The following TASP1 variants were observed in gnomAD, a reference collection of about 807,000 sequenced individuals.
TASP1 encodes the protein taspase 1.
TASP1 carries 16 observed loss-of-function variants against 56.6 expected under a neutral mutation model. That is an observed-to-expected ratio of 0.28 (90% CI 0.19 to 0.43). The LOEUF (loss-of-function observed/expected upper bound fraction) is 0.43, where lower values mean the gene tolerates loss of function less well. Ranked by LOEUF, TASP1 falls within the 20% of genes least tolerant of loss-of-function variation. The pLI is 1.00. For synonymous variants in TASP1, 179 were observed against 184.2 expected (o/e 0.97, Z 0.23); for missense variants, 393 against 511.6 (o/e 0.77, Z 2.24).
At chr20:13,586,185 A>C (rs1322655254) in intron 5 of TASP1, among the ~76,000 whole-genome samples, 2 of 151,618 alleles carry the variant, frequency 1.3e-5, no homozygotes, top group Non-Finnish European at 2.9e-5. Flanking sequence ...AAAAAAAAAA[A>C]AAAAAAAAAA....
At chr20:13,251,936 A>G in the TASP1 span, among the ~76,000 whole-genome samples, 2 of 151,806 alleles carry the variant, frequency 1.3e-5, no homozygotes, top group African/African-American at 2.4e-5. Context: ...AGACTTGGGG[A>G]GTAAGTGAGA....
At chr20:13,496,875 C>T (rs2043749562) in intron 10 of TASP1, among the ~76,000 whole-genome samples, 2 of 152,210 alleles carry the variant, frequency 1.3e-5, no homozygotes, top group Admixed American at 6.5e-5. Flanking sequence ...CTCAATAAAC[C>T]TAATTCCAAA....
At chr20:13,527,424 T>C (rs1327198991) in intron 10 of TASP1, among the ~76,000 whole-genome samples, 1 of 152,160 alleles carries the variant, frequency 6.6e-6, no homozygotes, top group African/African-American at 2.4e-5. Context: ...GGGATGGGAC[T>C]GTAACTTGAA....
At chr20:13,587,573 A>G (rs1354698272) in intron 4 of TASP1, among the ~76,000 whole-genome samples, 1 of 149,124 alleles carries the variant, frequency 6.7e-6, no homozygotes, top group African/African-American at 2.4e-5. Context: ...ATATTGACCA[A>G]AAAAACATCA....
Position 13,580,982 on chromosome 20 carries a change from C to T in TASP1, c.404-1G>A. The T allele has an allele frequency of 6.6e-7, 1 of 1,513,084 alleles. No homozygotes were observed. Among genetic ancestry groups the T allele is most frequent in the African/African-American group, 1.5e-5 (1 of 66,006 alleles). The allele number at this position is 1,513,084 out of a possible 1,614,324, so 93.7% of individuals were successfully genotyped here. Reference sequence around the variant, plus strand: ...GCAACCGAGACTGGGTTCTTGATTCCTATAAAAAAAAAAAAAAAATTGGCA... The same window carrying T: ...GCAACCGAGACTGGGTTCTTGATTCTTATAAAAAAAAAAAAAAAATTGGCA... On this transcript the variant is annotated splice_acceptor_variant, in intron 5 of 13. Coordinates refer to ENST00000337743, the MANE Select transcript of TASP1 (RefSeq NM_017714.3). LOFTEE classifies it high-confidence loss of function.
At chr20:13,539,123 A>G (rs1051596550) in intron 8 of TASP1, among the ~76,000 whole-genome samples, 33 of 152,198 alleles carry the variant, frequency 2.2e-4, no homozygotes, top group Non-Finnish European at 4.4e-4. Flanking sequence ...AAATCTGAAC[A>G]TAGGAACACT....
At chr20:13,378,744 A>C in the TASP1 span, among the ~76,000 whole-genome samples, 19 of 152,244 alleles carry the variant, frequency 1.2e-4, no homozygotes, top group African/African-American at 4.1e-4. Flanking sequence ...TTACTTTATG[A>C]ATCTGGGTGC....
At chr20:13,248,253 C>T in the TASP1 span, among the ~76,000 whole-genome samples, 1 of 152,174 alleles carries the variant, frequency 6.6e-6, no homozygotes, top group African/African-American at 2.4e-5. Flanking sequence ...TGTTGCTCCA[C>T]TTGAAGCAAC....
At chr20:13,535,543 G>T (rs138286427) in intron 8 of TASP1, among the ~76,000 whole-genome samples, 1 of 152,180 alleles carries the variant, frequency 6.6e-6, no homozygotes, top group Non-Finnish European at 1.5e-5. Context: ...GCTAGGGAAA[G>T]TCTAGCCAAT....
chr20:13,511,722 C>A (rs1357380684), intron 10 of TASP1, among the ~76,000 whole-genome samples: 1 of 151,800 alleles, frequency 6.6e-6, no homozygotes, highest in East Asian at 1.9e-4. Context: ...TGTCATTTAA[C>A]ATTAGGTATA....
chr20:13,459,692 G>C (rs1036836530), intron 11 of TASP1, among the ~76,000 whole-genome samples: 1 of 151,992 alleles, frequency 6.6e-6, no homozygotes, highest in Non-Finnish European at 1.5e-5. Flanking sequence ...CTCTGCTGCT[G>C]TCTTTCCCTG....
the TASP1 span, among the ~76,000 whole-genome samples, chr20:13,250,438 C>G: frequency 6.6e-6 from 1 of 152,152 alleles, no homozygotes; most frequent in Non-Finnish European, 1.5e-5. Flanking sequence ...GCAAACAGAG[C>G]AGGAAAAGAG....
rs117440349 is a variant in TASP1 at position 13,532,240 on chromosome 20, A to G, written c.795+1782T>C. ...CATTCACCATCTGCACTGCTATCAC[A>G]TATCTACAGCAGGGTAATATGCTAA... On this transcript the variant is annotated intron_variant, in intron 9 of 13. Transcript: ENST00000337743. 3.2e-3 allele frequency among the ~76,000 whole-genome samples: 494 copies of G among 152,328 alleles called. 2 individuals carry two copies. The highest frequency in any genetic ancestry group is 0.012 in the East Asian group (60 of 5,184).
chr20:13,171,886 C>G, the TASP1 span, among the ~76,000 whole-genome samples: 1 of 152,098 alleles, frequency 6.6e-6, no homozygotes, highest in South Asian at 2.1e-4. Flanking sequence ...TGTAGGTCAA[C>G]CTGATTGTAT....
chr20:13,278,175 A>G, the TASP1 span, among the ~76,000 whole-genome samples: 1 of 152,170 alleles, frequency 6.6e-6, no homozygotes, highest in African/African-American at 2.4e-5. Context: ...TGCGTCTTTT[A>G]TTATGTTTTT....
intron 13 of TASP1, among the ~76,000 whole-genome samples, chr20:13,414,441 A>C (rs1163655500): frequency 6.6e-6 from 1 of 152,200 alleles, no homozygotes; most frequent in Non-Finnish European, 1.5e-5. Context: ...GCAACTAATA[A>C]GAAGTCTGTG....
chr20:13,578,038 C>G (rs1023700813), intron 6 of TASP1, among the ~76,000 whole-genome samples: 6 of 152,180 alleles, frequency 3.9e-5, no homozygotes, highest in African/African-American at 1.4e-4. Context: ...CTGGAGCATA[C>G]AGTGTCCCTT....
chr20:13,489,635 C>T lies in TASP1; in HGVS notation c.875-6298G>A, dbSNP rs928108664. On this transcript the variant is annotated intron_variant, in intron 10 of 13. Coordinates refer to ENST00000337743, the MANE Select transcript of TASP1 (RefSeq NM_017714.3). The stretch of plus-strand genomic sequence containing the variant: ...GGTACTGCTAGGTAGCCCGACTAGA[C>T]CCAGTCTCTTCCCAGGCATCTGTTA... 2.0e-5 allele frequency among the ~76,000 whole-genome samples: 3 copies of T among 152,250 alleles called. No homozygotes were observed. In the East Asian group the frequency reaches 5.8e-4, roughly 29 times the overall value.
At position 13,483,260 on chromosome 20, in the gene TASP1, C is replaced by T; in HGVS notation, c.952G>A (p.Ala318Thr). 6.3e-7 allele frequency: 1 copy of T among 1,597,842 alleles called. No homozygotes were observed. Among genetic ancestry groups the T allele is most frequent in the Non-Finnish European group, 8.5e-7 (1 of 1,171,680 alleles). The part of the protein sequence containing the change: ...HALQAEDAHQ[A>T]LLETMQNKFI... ...TTGTTTTGCATAGTCTCCAACAGGG[C>T]TTGGTGAGCATCCTCAGCTTGTAAA... is the stretch of plus-strand genomic sequence containing the variant. The change falls in exon 11 of 14, where the codon GCC becomes ACC. Residue 318 changes from alanine to threonine, a missense_variant. Coordinates refer to ENST00000337743, the MANE Select transcript of TASP1 (RefSeq NM_017714.3).
Sources: gnomAD v4.1 joint callset for allele counts (sites outside exome capture counted in the v4.1 genomes callset) on GRCh38, gnomAD v4.1.1 for gene constraint, MANE v1.5 for transcripts, NCBI Gene and HGNC (gene_info 2026-07-23, HGNC 2026-07-21) for gene names.